The following DMD variants were observed in gnomAD, a reference collection of about 807,000 sequenced individuals.
DMD encodes mutant dystrophin.
Under a neutral mutation model 330.1 loss-of-function variants are expected in DMD, and 63 were observed. That is an observed-to-expected ratio of 0.19 (90% CI 0.16 to 0.24). The LOEUF (loss-of-function observed/expected upper bound fraction) is 0.24. Among genes scored for constraint, DMD ranks in the 10% least tolerant of loss-of-function variants. DMD has a pLI of 1.00. For synonymous variants in DMD, 1,223 were observed against 959.8 expected, an observed-to-expected ratio of 1.27 and a Z score of -5.07; for missense variants, 3,344 against 2,684.1, an observed-to-expected ratio of 1.25 and a Z score of -5.43.
At chrX:32,579,651 C>A (rs755161824) in intron 13 of DMD, among the ~76,000 whole-genome samples, 1 of 112,734 alleles carries the variant, frequency 8.9e-6, no homozygotes, top group Non-Finnish European at 1.9e-5. Flanking sequence ...ATCTGCTTCA[C>A]AAGGATGTGA....
At chrX:33,267,883 C>T (rs2053074338) in intron 1 of DMD, among the ~76,000 whole-genome samples, 1 of 111,584 alleles carries the variant, frequency 9.0e-6, no homozygotes. Context: ...CTACCTTTTG[C>T]CATATACAAA....
intron 45 of DMD, among the ~76,000 whole-genome samples, chrX:31,967,030 A>T (rs2095356881): frequency 9.1e-6 from 1 of 110,306 alleles, no homozygotes; most frequent in Admixed American, 9.7e-5. Flanking sequence ...TTTGGATTAG[A>T]TTGAGCCTAG....
intron 47 of DMD, among the ~76,000 whole-genome samples, chrX:31,922,525 T>TGTGCGC (rs773093542): frequency 6.6e-5 from 7 of 106,405 alleles, no homozygotes; most frequent in South Asian, 4.2e-4. Flanking sequence ...TGTGTGTGTG[T>TGTGCGC]GCGCGCGCGT....
At chrX:32,000,883 G>A (rs950394868) in intron 44 of DMD, among the ~76,000 whole-genome samples, 1 of 111,721 alleles carries the variant, frequency 9.0e-6, no homozygotes, top group Non-Finnish European at 1.9e-5. Context: ...AGATAGGGGT[G>A]ATAGAGAGAC....
intron 62 of DMD, among the ~76,000 whole-genome samples, chrX:31,311,877 C>T (rs886921449): frequency 1.1e-4 from 12 of 111,387 alleles, no homozygotes; most frequent in Non-Finnish European, 1.9e-4. Context: ...ATTCAGTAAA[C>T]GGTGCTGGGA....
At chrX:32,882,037 G>A (rs183727717) in intron 2 of DMD, among the ~76,000 whole-genome samples, 30 of 112,096 alleles carry the variant, frequency 2.7e-4, no homozygotes, top group Non-Finnish European at 4.9e-4. Context: ...TTAGTAACAA[G>A]CTATTCAATT....
intron 2 of DMD, among the ~76,000 whole-genome samples, chrX:32,857,177 A>G (rs1343810830): frequency 8.9e-6 from 1 of 112,375 alleles, no homozygotes; most frequent in Non-Finnish European, 1.9e-5. Flanking sequence ...TATGCTTCGC[A>G]TGCCTGTATC....
intron 44 of DMD, among the ~76,000 whole-genome samples, chrX:32,038,646 A>G (rs1313313881): frequency 5.4e-5 from 6 of 110,773 alleles, no homozygotes; most frequent in South Asian, 3.9e-4. Flanking sequence ...CTGAATTTCA[A>G]TCTAGAATCA....
At chrX:33,318,356 A>C (rs1455214185) in intron 1 of DMD, among the ~76,000 whole-genome samples, 1 of 110,939 alleles carries the variant, frequency 9.0e-6, no homozygotes, top group African/African-American at 3.3e-5. Flanking sequence ...TACATGTTCG[A>C]TTAGATGATT....
chrX:32,035,579 G>C (rs780703553), intron 44 of DMD: 11 of 305,745 alleles, frequency 3.6e-5, no homozygotes, highest in South Asian at 1.8e-4. Flanking sequence ...AGAAATACAG[G>C]CTTCTAAAAA....
chrX:31,690,135 A>C lies in DMD; in HGVS notation c.7661-10549T>G, dbSNP rs753866319. ...CGGACAAATGGGATCTAATGAAACTAAAGAGCTTCTGCACAGCAAAAGAAA... is the reference window on the plus strand; with the variant it reads ...CGGACAAATGGGATCTAATGAAACTCAAGAGCTTCTGCACAGCAAAAGAAA... On this transcript the variant is annotated intron_variant, in intron 52 of 78. Coordinates refer to ENST00000357033, the MANE Select transcript of DMD (RefSeq NM_004006.3). Among the ~76,000 whole-genome samples the C allele has an allele frequency of 1.1e-4, 12 of 112,102 alleles. No individual in the cohort carries two copies. The East Asian group carries it at 1.7e-3, about 16-fold the overall frequency.
intron 7 of DMD, among the ~76,000 whole-genome samples, chrX:32,776,165 C>G (rs978363683): frequency 2.0e-4 from 22 of 111,277 alleles, no homozygotes; most frequent in African/African-American, 6.6e-4. Flanking sequence ...TCATCTCCAT[C>G]TGAGACTATC....
chrX:31,477,963 C>T, intron 59 of DMD, 143 bp downstream of exon 59: 1 of 616,037 alleles, frequency 1.6e-6, no homozygotes, highest in Admixed American at 3.2e-5. Context: ...GAGAAAATAC[C>T]ATGTGAATGA....
Position 32,823,400 on chromosome X carries a change from G to A in DMD, c.265-13C>T. Reference sequence around the variant, plus strand: ...TCACTAAATCAACCTGTTAAAGAAAGGGGTAAAACATTTGAAGGTAAGAGA... The same window carrying A: ...TCACTAAATCAACCTGTTAAAGAAAAGGGTAAAACATTTGAAGGTAAGAGA... On this transcript the variant is annotated splice_polypyrimidine_tract_variant and intron_variant, in intron 4 of 78. Coordinates refer to ENST00000357033, the MANE Select transcript of DMD (RefSeq NM_004006.3). 1 of 1,137,209 alleles carries A rather than the reference G, an allele frequency of 8.8e-7. No individual in the cohort carries two copies. The highest frequency in any genetic ancestry group is 1.2e-6 in the Non-Finnish European group (1 of 828,486). The allele number at this position is 1,137,209 out of a possible 1,213,427, so 93.7% of individuals were successfully genotyped here. A position where few individuals can be genotyped will look rare whatever the true frequency, so the allele number is the denominator to read the frequency against.
intron 2 of DMD, among the ~76,000 whole-genome samples, chrX:33,018,630 T>G (rs2147739222): frequency 8.9e-6 from 1 of 111,749 alleles, no homozygotes; most frequent in African/African-American, 3.2e-5. Flanking sequence ...ATTCAAAGAT[T>G]CAGAGTATTG....
chrX:31,395,421 CAG>C (rs982803997), intron 60 of DMD, among the ~76,000 whole-genome samples: 1 of 111,991 alleles, frequency 8.9e-6, no homozygotes, highest in African/African-American at 3.2e-5. Flanking sequence ...TTGAATTAGC[CAG>C]AGTTAGCTGC....
intron 1 of DMD, among the ~76,000 whole-genome samples, chrX:33,260,200 TG>T (rs1479548298): frequency 9.0e-6 from 1 of 111,696 alleles, no homozygotes; most frequent in African/African-American, 3.2e-5. Context: ...GAGATTTTGT[TG>T]TTACATAACC....
chrX:33,324,420 T>G (rs1157941071), intron 1 of DMD, among the ~76,000 whole-genome samples: 3 of 112,217 alleles, frequency 2.7e-5, no homozygotes, highest in Admixed American at 1.9e-4. Context: ...AATGGATTAT[T>G]AACTATCACA....
intron 2 of DMD, among the ~76,000 whole-genome samples, chrX:32,859,146 C>G (rs1222683630): frequency 9.0e-6 from 1 of 111,350 alleles, no homozygotes; most frequent in Non-Finnish European, 1.9e-5. Flanking sequence ...GTCTGCATCT[C>G]TTTCTTTGAC....
Sources: allele counts gnomAD v4.1 joint callset (sites outside exome capture counted in the v4.1 genomes callset), GRCh38; gene constraint gnomAD v4.1.1; transcripts MANE v1.5; gene names NCBI Gene and HGNC (gene_info 2026-07-23, HGNC 2026-07-21).